Variants in DYNC1I1 observed in about 807,000 individuals in gnomAD.
DYNC1I1 encodes cytoplasmic dynein 1 intermediate chain 1.
In DYNC1I1, 43 loss-of-function variants were observed where a neutral mutation model predicts 86.6. The ratio of observed to expected loss-of-function variants is 0.50; its 90% CI spans 0.39 to 0.64. DYNC1I1 has a LOEUF of 0.64. DYNC1I1 is among the 30% of genes least tolerant of loss of function. The pLI, the probability that DYNC1I1 is intolerant of heterozygous loss-of-function variation, is 0.00. For synonymous variants in DYNC1I1, 262 were observed against 283.7 expected (o/e 0.92, Z 0.77); for missense variants, 604 against 788.8 (o/e 0.77, Z 2.81).
At chr7:96,055,311 T>C (rs1411444432) in intron 14 of DYNC1I1, among the ~76,000 whole-genome samples, 1 of 152,082 alleles carries the variant, frequency 6.6e-6, no homozygotes, top group African/African-American at 2.4e-5. Context: ...CTAATGTAGA[T>C]GATGGGTTGG....
chr7:95,838,423 A>T (rs954096366), intron 5 of DYNC1I1, among the ~76,000 whole-genome samples: 1 of 152,202 alleles, frequency 6.6e-6, no homozygotes, highest in African/African-American at 2.4e-5. Context: ...TTACAGTTCC[A>T]TACTGTTTTG....
intron 1 of DYNC1I1, among the ~76,000 whole-genome samples, chr7:95,781,947 T>G (rs1023873729): frequency 1.3e-5 from 2 of 152,124 alleles, no homozygotes; most frequent in Non-Finnish European, 2.9e-5. Flanking sequence ...GGCTGTGTCA[T>G]GATGCAACAA....
chr7:95,841,162 G>A (rs1253462753), intron 5 of DYNC1I1, among the ~76,000 whole-genome samples: 2 of 152,176 alleles, frequency 1.3e-5, no homozygotes, highest in African/African-American at 4.8e-5. Flanking sequence ...CTCTGGTAGC[G>A]ACTAGAAAAT....
intron 4 of DYNC1I1, chr7:95,818,992 T>C (rs1296020899): frequency 6.6e-6 from 1 of 152,620 alleles, no homozygotes; most frequent in East Asian, 1.9e-4. Context: ...ATTAGCAGCA[T>C]TTCTTAACCC....
At chr7:95,926,157 C>A (rs1305844905) in intron 6 of DYNC1I1, among the ~76,000 whole-genome samples, 1 of 152,092 alleles carries the variant, frequency 6.6e-6, no homozygotes, top group Non-Finnish European at 1.5e-5. Flanking sequence ...ACATACTGAG[C>A]AATTCAATTT....
chr7:95,919,883 T>C (rs1791566381), intron 6 of DYNC1I1, among the ~76,000 whole-genome samples: 1 of 152,066 alleles, frequency 6.6e-6, no homozygotes, highest in Admixed American at 6.6e-5. Flanking sequence ...TTCTCAAAAG[T>C]AGAAAATACA....
rs375715304 is a variant in DYNC1I1 at position 96,081,079 on chromosome 7, A to AAAAAAAAAG, written c.1776+595_1776+596insAAAAGAAAA. 1.5e-3 allele frequency among the ~76,000 whole-genome samples: 194 copies of AAAAAAAAAG among 133,664 alleles called. 10 individuals carry two copies. Among genetic ancestry groups the AAAAAAAAAG allele is most frequent in the South Asian group, 6.7e-3 (28 of 4,170 alleles). The allele number at this position is 133,664 out of a possible 152,430, so 87.7% of individuals were successfully genotyped here. ...AGAGACTCCATCTCAAAAAAAAAAG[A>AAAAAAAAAG]AAAAGAAAAGAAAAGAAAAGTTTGC... On this transcript the variant is annotated intron_variant, in intron 16 of 16. Coordinates refer to ENST00000447467, the MANE Select transcript of DYNC1I1 (RefSeq NM_001135556.2).
At chr7:95,939,296 G>A (rs1455252150) in intron 6 of DYNC1I1, among the ~76,000 whole-genome samples, 1 of 152,172 alleles carries the variant, frequency 6.6e-6, no homozygotes, top group African/African-American at 2.4e-5. Flanking sequence ...GGAGAGTTCT[G>A]TAGATATCTA....
rs1008500044 is a variant in DYNC1I1, at chr7:95,939,683, A to G, written c.491-37829A>G. 2.7e-3 allele frequency among the ~76,000 whole-genome samples: 406 copies of G among 151,490 alleles called. 1 individual carries two copies. The highest frequency in any genetic ancestry group is 4.4e-3 in the Non-Finnish European group (296 of 67,860). ...TCCTCCATCCTTTTATTTTGAGCCT[A>G]TGTGTGTCTCTGCACGTGAGATGGG... is the stretch of plus-strand genomic sequence containing the variant. On this transcript the variant is annotated intron_variant, in intron 6 of 16. Coordinates refer to ENST00000447467, the MANE Select transcript of DYNC1I1 (RefSeq NM_001135556.2).
rs890536917 is a variant in DYNC1I1 at position 96,035,496 on chromosome 7, C to T, written c.1231-123C>T. 14 of 1,297,922 alleles carry T rather than the reference C, an allele frequency of 1.1e-5. No individual in the cohort carries two copies. In the African/African-American group the frequency reaches 1.2e-4, roughly 11 times the overall value. 80.4% of individuals were successfully genotyped at this position (1,297,922 alleles called of 1,614,324 possible). ...AGTAAAGCATGGTTTCTGGCACAGC[C>T]GGGGTCTTTTGTAACGCTGTGTGAA... On this transcript the variant is annotated intron_variant, in intron 12 of 16. Transcript: ENST00000447467.
At chr7:95,901,778 G>A (rs1383312954) in intron 6 of DYNC1I1, among the ~76,000 whole-genome samples, 2 of 152,144 alleles carry the variant, frequency 1.3e-5, no homozygotes, top group Non-Finnish European at 2.9e-5. Context: ...GGTGAGATGA[G>A]GGCTGCCATC....
At chr7:95,897,297 A>G (rs1790907373) in intron 6 of DYNC1I1, among the ~76,000 whole-genome samples, 2 of 151,942 alleles carry the variant, frequency 1.3e-5, no homozygotes, top group African/African-American at 4.8e-5. Context: ...AGGAAAATGA[A>G]TTTATGTTAT....
At chr7:95,937,601 AT>A (rs1475931361) in intron 6 of DYNC1I1, among the ~76,000 whole-genome samples, 5 of 151,722 alleles carry the variant, frequency 3.3e-5, no homozygotes, top group Admixed American at 6.6e-5. Context: ...ATTATCATTA[AT>A]TTTCTTGGTA....
intron 10 of DYNC1I1, among the ~76,000 whole-genome samples, chr7:95,997,860 G>A (rs1793909484): frequency 6.6e-6 from 1 of 152,094 alleles, no homozygotes; most frequent in African/African-American, 2.4e-5. Context: ...TACTCATGAA[G>A]TTGGGATAAA....
At chr7:96,058,080 C>A (rs1789640456) in intron 14 of DYNC1I1, among the ~76,000 whole-genome samples, 1 of 152,080 alleles carries the variant, frequency 6.6e-6, no homozygotes, top group Non-Finnish European at 1.5e-5. Context: ...TGTTTACATA[C>A]CAACCAACAT....
At chr7:95,898,850 T>C (rs886541832) in intron 6 of DYNC1I1, among the ~76,000 whole-genome samples, 2 of 152,206 alleles carry the variant, frequency 1.3e-5, no homozygotes, top group Admixed American at 1.3e-4. Flanking sequence ...AGGACTATCT[T>C]TACTTATCCT....
At chr7:95,828,183 G>A in intron 5 of DYNC1I1, 67 bp downstream of exon 5, 1 of 1,566,492 alleles carries the variant, frequency 6.4e-7, no homozygotes. Context: ...AAATGCTGGA[G>A]CTGTTGTTGC....
chr7:95,929,449 G>C (rs1283602153), intron 6 of DYNC1I1, among the ~76,000 whole-genome samples: 3 of 152,112 alleles, frequency 2.0e-5, no homozygotes, highest in Non-Finnish European at 4.4e-5. Context: ...GGAGGCTAAA[G>C]CTTGTCATAT....
At chr7:95,928,502 A>G (rs2116400944) in intron 6 of DYNC1I1, among the ~76,000 whole-genome samples, 1 of 152,288 alleles carries the variant, frequency 6.6e-6, no homozygotes, top group East Asian at 1.9e-4. Flanking sequence ...GGAACTGGCT[A>G]GAGCCTGTTC....
Sources: gnomAD v4.1 joint callset for allele counts (sites outside exome capture counted in the v4.1 genomes callset) on GRCh38, gnomAD v4.1.1 for gene constraint, MANE v1.5 for transcripts, NCBI Gene and HGNC (gene_info 2026-07-23, HGNC 2026-07-21) for gene names.